The following DIS3L2 variants were observed in gnomAD, a reference collection of about 807,000 sequenced individuals.
The protein encoded by DIS3L2 is DIS3 like 3'-5' exoribonuclease 2.
Under a neutral mutation model 97.5 loss-of-function variants are expected in DIS3L2, and 34 were observed. The ratio of observed to expected loss-of-function variants is 0.35; its 90% CI spans 0.27 to 0.46. The LOEUF (loss-of-function observed/expected upper bound fraction) is 0.46, where lower values mean the gene tolerates loss of function less well. DIS3L2 is among the 20% of genes least tolerant of loss of function. The pLI, the probability that DIS3L2 is intolerant of heterozygous loss-of-function variation, is 1.00. For synonymous variants in DIS3L2, 435 were observed against 445.2 expected (o/e 0.98, Z 0.29); for missense variants, 1,038 against 1,146.0 (o/e 0.91, Z 1.36).
At chr2:231,979,149 A>G (rs1693178545) in intron 1 of DIS3L2, among the ~76,000 whole-genome samples, 2 of 152,040 alleles carry the variant, frequency 1.3e-5, no homozygotes, top group Non-Finnish European at 2.9e-5. Context: ...CTTTACTCCT[A>G]GGTTTTAAGC....
At position 232,141,818 on chromosome 2, in the gene DIS3L2, T is replaced by C. The variant is rs575646815; in HGVS notation, c.950+5099T>C. Among the ~76,000 whole-genome samples, 3 of 152,298 alleles carry C rather than the reference T, an allele frequency of 2.0e-5. No homozygotes were observed. The South Asian group carries it at 6.2e-4, about 32-fold the overall frequency. On this transcript the variant is annotated intron_variant, in intron 8 of 20. Coordinates refer to ENST00000325385, the MANE Select transcript of DIS3L2 (RefSeq NM_152383.5). ...TATTGACCCATGGAAGCAAATACTT[T>C]TACATTCCATTCAGTTTTGATAGAT...
intron 6 of DIS3L2, among the ~76,000 whole-genome samples, chr2:232,109,101 C>T (rs1052882082): frequency 3.9e-5 from 6 of 152,140 alleles, no homozygotes; most frequent in African/African-American, 7.2e-5. Context: ...ATAGCCAAGG[C>T]GATCCCAAGC....
intron 1 of DIS3L2, among the ~76,000 whole-genome samples, chr2:231,970,335 A>G (rs1460700517): frequency 1.3e-5 from 2 of 152,290 alleles, no homozygotes; most frequent in African/African-American, 4.8e-5. Context: ...ATTCTGAGAA[A>G]TGCATTGTTA....
At chr2:231,971,034 T>G (rs1434927175) in intron 1 of DIS3L2, among the ~76,000 whole-genome samples, 1 of 152,248 alleles carries the variant, frequency 6.6e-6, no homozygotes, top group East Asian at 1.9e-4. Context: ...CCTTGACATC[T>G]TGTCCTGCTG....
intron 16 of DIS3L2, 35 bp downstream of exon 16, chr2:232,330,811 C>G (rs1325125897): frequency 3.1e-6 from 5 of 1,587,998 alleles, no homozygotes; most frequent in Non-Finnish European, 4.3e-6. Flanking sequence ...CCCCTGCTCC[C>G]AGGAGCACAC....
At chr2:232,305,129 G>A (rs912929124) in intron 14 of DIS3L2, among the ~76,000 whole-genome samples, 1 of 152,170 alleles carries the variant, frequency 6.6e-6, no homozygotes, top group East Asian at 1.9e-4. Flanking sequence ...AGGCTGGAGT[G>A]CAGTGGCGCA....
intron 5 of DIS3L2, among the ~76,000 whole-genome samples, chr2:232,060,294 C>G (rs999467250): frequency 6.6e-6 from 1 of 152,100 alleles, no homozygotes. Flanking sequence ...GGGTATCGCT[C>G]AAGAAGTCTT....
intron 13 of DIS3L2, among the ~76,000 whole-genome samples, chr2:232,280,378 G>A (rs763561152): frequency 9.2e-5 from 14 of 152,134 alleles, no homozygotes; most frequent in African/African-American, 1.7e-4. Context: ...AAGAGGGTAT[G>A]GGATGATTAG....
At chr2:232,133,951 G>A (rs1288102307) in intron 7 of DIS3L2, among the ~76,000 whole-genome samples, 2 of 128,320 alleles carry the variant, frequency 1.6e-5, no homozygotes, top group Admixed American at 9.2e-5. Context: ...TCGTGCCACC[G>A]TATTCTAGCC....
intron 9 of DIS3L2, among the ~76,000 whole-genome samples, chr2:232,170,052 G>A (rs1021404901): frequency 6.6e-6 from 1 of 152,118 alleles, no homozygotes; most frequent in African/African-American, 2.4e-5. Context: ...GTCCCTGCTT[G>A]CATGGCCTAG....
chr2:231,985,791 G>A (rs187898524), intron 1 of DIS3L2, among the ~76,000 whole-genome samples: 1 of 152,298 alleles, frequency 6.6e-6, no homozygotes, highest in African/African-American at 2.4e-5. Context: ...ATACTGTGAT[G>A]GTTAATATTA....
intron 10 of DIS3L2, among the ~76,000 whole-genome samples, chr2:232,234,569 C>A (rs886136902): frequency 1.3e-5 from 2 of 152,244 alleles, no homozygotes; most frequent in Non-Finnish European, 1.5e-5. Context: ...CCAGGCTGGT[C>A]TTGAACTCCT....
intron 8 of DIS3L2, among the ~76,000 whole-genome samples, chr2:232,148,042 C>A (rs1690270857): frequency 7.2e-6 from 1 of 138,614 alleles, no homozygotes; most frequent in Non-Finnish European, 1.6e-5. Flanking sequence ...CTGTCCCCTC[C>A]CCTCCCCTCC....
intron 16 of DIS3L2, chr2:232,331,952 C>T (rs1397935718): frequency 6.6e-6 from 1 of 152,294 alleles, no homozygotes; most frequent in African/African-American, 2.4e-5. Flanking sequence ...GTTCCTCAGC[C>T]CCGGGAACTG....
chr2:232,102,881 T>A (rs1235846657), intron 6 of DIS3L2, among the ~76,000 whole-genome samples: 1 of 152,190 alleles, frequency 6.6e-6, no homozygotes, highest in Non-Finnish European at 1.5e-5. Flanking sequence ...CAGCTGGGTC[T>A]TTTTTCTAAA....
intron 5 of DIS3L2, among the ~76,000 whole-genome samples, chr2:232,055,323 G>C (rs1228145441): frequency 1.3e-5 from 2 of 152,154 alleles, no homozygotes; most frequent in African/African-American, 2.4e-5. Context: ...TGTATACATG[G>C]AGAATTTAAA....
Position 232,107,094 on chromosome 2 carries a change from G to A in DIS3L2, c.601+19373G>A, listed in dbSNP as rs550690648. The stretch of plus-strand genomic sequence containing the variant: ...TACAATGATCCAGTATCTCTGGGAT[G>A]CAACTAACGCAGTGTTAAGAGGGAA... On this transcript the variant is annotated intron_variant, in intron 6 of 20. Coordinates refer to ENST00000325385, the MANE Select transcript of DIS3L2 (RefSeq NM_152383.5). Among the ~76,000 whole-genome samples, 5 of 152,272 alleles carry A rather than the reference G, an allele frequency of 3.3e-5. No homozygotes were observed. The South Asian group carries it at 1.0e-3, about 32-fold the overall frequency.
At chr2:232,069,405 A>C (rs1020903698) in intron 5 of DIS3L2, among the ~76,000 whole-genome samples, 6 of 152,186 alleles carry the variant, frequency 3.9e-5, no homozygotes, top group South Asian at 2.1e-4. Context: ...GTATTGTTTT[A>C]TCAGTGTAGT....
rs1349914209 is a variant in DIS3L2 at position 232,281,034 on chromosome 2, C to T, written c.1659+17594C>T. On this transcript the variant is annotated intron_variant, in intron 13 of 20. Transcript: ENST00000325385. The surrounding 1 kb of genome is among the most constrained non-coding windows in gnomAD (Gnocchi z 4.1). ...TGTGGCTGTGTCAGAGGAAGGGCTC[C>T]CAGTGGTGGTGGGAAATGTTGGGGA... Among the ~76,000 whole-genome samples the T allele has an allele frequency of 1.3e-5, 2 of 152,084 alleles. No homozygotes were observed. The highest frequency in any genetic ancestry group is 2.4e-5 in the African/African-American group (1 of 41,404).
Sources: allele counts gnomAD v4.1 joint callset (sites outside exome capture counted in the v4.1 genomes callset), GRCh38; gene constraint gnomAD v4.1.1; non-coding constraint Gnocchi (gnomAD v3.1); transcripts MANE v1.5; gene names NCBI Gene and HGNC (gene_info 2026-07-23, HGNC 2026-07-21).